ARID1A: variants seen among roughly 807,000 people sequenced by gnomAD.
The protein encoded by ARID1A is AT-rich interactive domain-containing protein 1A.
A neutral mutation model predicts 212.6 loss-of-function variants in ARID1A; 20 were observed. The ratio of observed to expected loss-of-function variants is 0.09; its 90% CI spans 0.07 to 0.14. The LOEUF is 0.14. Ranked by LOEUF, ARID1A falls within the 10% of genes least tolerant of loss-of-function variation. The pLI, the probability that ARID1A is intolerant of heterozygous loss-of-function variation, is 1.00. For missense variants in ARID1A, 2,587 were observed against 3,059.0 expected, an observed-to-expected ratio of 0.85 and a Z score of 3.64; for synonymous variants, 1,376 against 1,222.1, an observed-to-expected ratio of 1.13 and a Z score of -2.63.
At chr1:26,712,422 C>CA (rs1333507850) in intron 1 of ARID1A, among the ~76,000 whole-genome samples, 1 of 152,010 alleles carries the variant, frequency 6.6e-6, no homozygotes, top group Non-Finnish European at 1.5e-5. Context: ...CAGTGGCTCA[C>CA]ACTTGTAATC....
chr1:26,741,346 G>A lies in ARID1A; in HGVS notation c.1920+8554G>A, dbSNP rs545268843. 4.6e-4 allele frequency among the ~76,000 whole-genome samples: 70 copies of A among 152,262 alleles called. No homozygotes were observed. The East Asian group carries it at 7.7e-3, about 17-fold the overall frequency. On this transcript the variant is annotated intron_variant, in intron 4 of 19. Coordinates refer to ENST00000324856, the MANE Select transcript of ARID1A (RefSeq NM_006015.6). ...TTTATTGGGATCCTTTTTAGATAAG[G>A]AAAAGGCCTTATTTCTGAGGGCTTG...
At chr1:26,716,782 C>T (rs2080507237) in intron 1 of ARID1A, among the ~76,000 whole-genome samples, 1 of 152,094 alleles carries the variant, frequency 6.6e-6, no homozygotes, top group South Asian at 2.1e-4. Context: ...TGCACCACCA[C>T]ACCCAACTAA....
chr1:26,749,057 C>A (rs890023148), intron 4 of ARID1A, among the ~76,000 whole-genome samples: 1 of 151,964 alleles, frequency 6.6e-6, no homozygotes, highest in African/African-American at 2.4e-5. Flanking sequence ...CCCAGCTACT[C>A]GGGAGGCTGA....
At chr1:26,704,222 G>T (rs1183433052) in intron 1 of ARID1A, among the ~76,000 whole-genome samples, 1 of 152,140 alleles carries the variant, frequency 6.6e-6, no homozygotes, top group Non-Finnish European at 1.5e-5. Flanking sequence ...GTCAGGTAGA[G>T]CCTTTGGTAC....
In ARID1A at chr1:26,757,395, A is replaced by G. The variant is rs558469316; in HGVS notation, c.1921-3461A>G. ...TGAGGCAGGAGAATGGCGTGAACCC[A>G]GGAGGCGGAAGTCACAGTGAGCCGC... On this transcript the variant is annotated intron_variant, in intron 4 of 19. Coordinates refer to ENST00000324856, the MANE Select transcript of ARID1A (RefSeq NM_006015.6). Among the ~76,000 whole-genome samples the G allele has an allele frequency of 1.0e-4, 15 of 147,326 alleles. No individual in the cohort carries two copies. The South Asian group carries it at 3.2e-3, about 31-fold the overall frequency.
intron 4 of ARID1A, among the ~76,000 whole-genome samples, chr1:26,732,995 T>C (rs2080695070): frequency 6.6e-6 from 1 of 152,194 alleles, no homozygotes; most frequent in Non-Finnish European, 1.5e-5. Flanking sequence ...TTTAGTTTGT[T>C]TTTGTCTTTT....
At chr1:26,730,251 C>T (rs2080661230) in intron 2 of ARID1A, among the ~76,000 whole-genome samples, 1 of 152,144 alleles carries the variant, frequency 6.6e-6, no homozygotes, top group South Asian at 2.1e-4. Context: ...TTCTGAATAC[C>T]TTTAACATAT....
intron 4 of ARID1A, among the ~76,000 whole-genome samples, chr1:26,733,661 C>T (rs1287961916): frequency 6.6e-6 from 1 of 152,106 alleles, no homozygotes; most frequent in East Asian, 1.9e-4. Flanking sequence ...AGTTAATCTG[C>T]TGGGCACAGA....
At chr1:26,755,120 C>T (rs1488257607) in intron 4 of ARID1A, among the ~76,000 whole-genome samples, 1 of 152,104 alleles carries the variant, frequency 6.6e-6, no homozygotes, top group African/African-American at 2.4e-5. Context: ...AAAAACCAAA[C>T]CAAAACCAAA....
chr1:26,738,264 C>A (rs2080753910), intron 4 of ARID1A, among the ~76,000 whole-genome samples: 1 of 152,038 alleles, frequency 6.6e-6, no homozygotes, highest in African/African-American at 2.4e-5. Flanking sequence ...CCTGGGTGAT[C>A]CACCCGCCTC....
chr1:26,759,340 C>G (rs1287864156), intron 4 of ARID1A, among the ~76,000 whole-genome samples: 1 of 152,052 alleles, frequency 6.6e-6, no homozygotes, highest in Non-Finnish European at 1.5e-5. Flanking sequence ...GTAGCTGGGA[C>G]TACAGCTGCA....
chr1:26,716,203 C>CA (rs111787612), intron 1 of ARID1A, among the ~76,000 whole-genome samples: 1,550 of 64,430 alleles, frequency 0.024, 12 homozygotes, highest in Non-Finnish European at 0.028. Context: ...GATTCCGTCT[C>CA]AAAAAAAAAA....
rs991070628 is a variant in ARID1A at position 26,779,108 on chromosome 1, G to A, written c.5210G>A (p.Gly1737Asp). The change falls in exon 20 of 20, where the codon GGT becomes GAT. Residue 1737 changes from glycine to aspartate, a missense_variant. Gly to Asp is a moderately conservative substitution (Grantham distance 94). Coordinates refer to ENST00000324856, the MANE Select transcript of ARID1A (RefSeq NM_006015.6). ...GGCATTTTAAAGGAGTATGAGGTGG[G>A]TGACCCAGGACAGAGAACGCTACTG... Reference protein sequence around the residue: ...IFGILKEYEVGDPGQRTLLDP... With the variant: ...IFGILKEYEVDDPGQRTLLDP... 6.5e-7 allele frequency: 1 copy of A among 1,544,152 alleles called. No individual in the cohort carries two copies.
intron 1 of ARID1A, among the ~76,000 whole-genome samples, chr1:26,710,528 C>CACACACACACA (rs1553147494): frequency 1.0e-4 from 15 of 148,176 alleles, no homozygotes; most frequent in Admixed American, 2.7e-4. Flanking sequence ...CACACACACA[C>CACACACACACA]CACTTGTTGT....
chr1:26,707,254 G>A (rs2080402132), intron 1 of ARID1A, among the ~76,000 whole-genome samples: 1 of 142,904 alleles, frequency 7.0e-6, no homozygotes, highest in African/African-American at 2.6e-5. Context: ...TATCGCCCAG[G>A]CTGGAGTCCA....
intron 1 of ARID1A, among the ~76,000 whole-genome samples, chr1:26,702,033 T>TA (rs1265934083): frequency 6.6e-6 from 1 of 152,174 alleles, no homozygotes; most frequent in Non-Finnish European, 1.5e-5. Flanking sequence ...TCAGTGTTGA[T>TA]ATTCTGCTGC....
chr1:26,760,684 CT>C (rs2080982880), intron 4 of ARID1A, among the ~76,000 whole-genome samples, 171 bp from the exon 5 acceptor site: 1 of 148,922 alleles, frequency 6.7e-6, no homozygotes, highest in Admixed American at 6.7e-5. Context: ...GAAACACTGT[CT>C]CAAAAAAAAA....
chr1:26,753,045 A>G (rs988015692), intron 4 of ARID1A: 3 of 152,206 alleles, frequency 2.0e-5, no homozygotes, highest in African/African-American at 7.2e-5. Context: ...GTTGCCATTT[A>G]ACCTGCTCAG....
At chr1:26,724,207 A>G (rs1330299007) in intron 1 of ARID1A, among the ~76,000 whole-genome samples, 2 of 152,186 alleles carry the variant, frequency 1.3e-5, no homozygotes, top group Non-Finnish European at 2.9e-5. Context: ...ACTAGCCCCA[A>G]CTAGTTAGCA....
Sources: gnomAD v4.1 joint callset for allele counts (sites outside exome capture counted in the v4.1 genomes callset) on GRCh38, gnomAD v4.1.1 for gene constraint, MANE v1.5 for transcripts, NCBI Gene and HGNC (gene_info 2026-07-23, HGNC 2026-07-21) for gene names.